NR2F1-AS1: variants seen among roughly 807,000 people sequenced by gnomAD.
The protein encoded by NR2F1-AS1 is NR2F1 antisense RNA 1.
chr5:93,462,998 A>G (rs989559231), intron 4 of NR2F1-AS1, among the ~76,000 whole-genome samples: 2 of 152,232 alleles, frequency 1.3e-5, no homozygotes, highest in African/African-American at 2.4e-5. Context: ...GAGAAATTCA[A>G]GCCAGCTGCA....
intron 4 of NR2F1-AS1, among the ~76,000 whole-genome samples, chr5:93,455,252 A>G (rs887803460): frequency 2.6e-5 from 4 of 152,206 alleles, no homozygotes; most frequent in African/African-American, 7.2e-5. Flanking sequence ...TCTTTTAAAG[A>G]TTCACAAAAT....
intron 4 of NR2F1-AS1, among the ~76,000 whole-genome samples, chr5:93,552,637 G>A (rs200088234): frequency 6.8e-6 from 1 of 146,596 alleles, no homozygotes; most frequent in East Asian, 2.0e-4. Flanking sequence ...TGTTTATACT[G>A]TAAAGAAGAA....
At chr5:93,523,054 C>T (rs150922110) in intron 4 of NR2F1-AS1, among the ~76,000 whole-genome samples, 2 of 152,132 alleles carry the variant, frequency 1.3e-5, no homozygotes, top group African/African-American at 2.4e-5. Context: ...TGGTCTATAG[C>T]GGATCCCACT....
At chr5:93,495,614 G>A (rs986861362) in intron 4 of NR2F1-AS1, among the ~76,000 whole-genome samples, 35 of 151,798 alleles carry the variant, frequency 2.3e-4, no homozygotes, top group Middle Eastern at 6.8e-3. Flanking sequence ...AATACCTACT[G>A]TTTTACTCTA....
intron 2 of NR2F1-AS1, among the ~76,000 whole-genome samples, chr5:93,555,151 T>C (rs1230705973): frequency 2.6e-5 from 4 of 152,196 alleles, no homozygotes; most frequent in African/African-American, 7.2e-5. Context: ...TTCCACTAGA[T>C]TGCAAACTCC....
intron 4 of NR2F1-AS1, among the ~76,000 whole-genome samples, chr5:93,484,694 A>G (rs748123328): frequency 2.6e-5 from 4 of 151,426 alleles, no homozygotes; most frequent in African/African-American, 9.7e-5. Context: ...AATGTGCTGT[A>G]TTCAGGAGAC....
intron 4 of NR2F1-AS1, among the ~76,000 whole-genome samples, chr5:93,464,848 C>A: frequency 6.6e-6 from 1 of 152,290 alleles, no homozygotes; most frequent in Non-Finnish European, 1.5e-5. Flanking sequence ...TTTGAAAGAA[C>A]AAATCAATGA....
At chr5:93,498,685 A>C (rs1751015016) in intron 4 of NR2F1-AS1, among the ~76,000 whole-genome samples, 1 of 152,134 alleles carries the variant, frequency 6.6e-6, no homozygotes, top group African/African-American at 2.4e-5. Context: ...CAAATAGAGG[A>C]GGCACATAAA....
chr5:93,438,602 A>T (rs548653757), intron 4 of NR2F1-AS1: 1 of 152,244 alleles, frequency 6.6e-6, no homozygotes, highest in Non-Finnish European at 1.5e-5. Flanking sequence ...ACTTCACTCT[A>T]TTCTCCATAC....
At chr5:93,458,135 A>C (rs1749993318) in intron 4 of NR2F1-AS1, among the ~76,000 whole-genome samples, 1 of 152,204 alleles carries the variant, frequency 6.6e-6, no homozygotes, top group African/African-American at 2.4e-5. Context: ...GGAAAGAAAG[A>C]GACACAAAGT....
intron 1 of NR2F1-AS1, among the ~76,000 whole-genome samples, chr5:93,574,489 G>A (rs1752849260): frequency 6.6e-6 from 1 of 152,076 alleles, no homozygotes; most frequent in Non-Finnish European, 1.5e-5. Flanking sequence ...CATCCCTAAG[G>A]AATAAACATA....
At chr5:93,461,430 T>C (rs1049491889) in intron 4 of NR2F1-AS1, among the ~76,000 whole-genome samples, 8 of 152,134 alleles carry the variant, frequency 5.3e-5, no homozygotes, top group Non-Finnish European at 1.2e-4. Flanking sequence ...CAAACCACCA[T>C]GGCACATGTT....
rs192823127 is a variant in NR2F1-AS1, at chr5:93,475,103, A to G, written n.638+78658T>C. Among the ~76,000 whole-genome samples, 352 of 151,294 alleles carry G rather than the reference A, an allele frequency of 2.3e-3. 2 individuals carry two copies. Among genetic ancestry groups the G allele is most frequent in the African/African-American group, 8.1e-3 (331 of 41,112 alleles). ...TGTGCCACTGCACTCCAGCCTGGGC[A>G]ACAGAGCGAGACTCCATCTCAAAAA... On this transcript the variant is annotated intron_variant and non_coding_transcript_variant, in intron 4 of 5. Transcript: ENST00000660523.
chr5:93,424,197 TAC>T (rs1287082696), intron 4 of NR2F1-AS1, among the ~76,000 whole-genome samples: 1 of 152,046 alleles, frequency 6.6e-6, no homozygotes, highest in Non-Finnish European at 1.5e-5. Flanking sequence ...ACATGCCAAC[TAC>T]ACACTGATGA....
chr5:93,454,587 C>T (rs867967405), intron 4 of NR2F1-AS1, among the ~76,000 whole-genome samples: 2 of 152,140 alleles, frequency 1.3e-5, no homozygotes, highest in African/African-American at 2.4e-5. Flanking sequence ...TTTGCTCTAA[C>T]GAGGTAACTC....
At chr5:93,570,749 C>T (rs899243275) in intron 1 of NR2F1-AS1, 1 of 152,272 alleles carries the variant, frequency 6.6e-6, no homozygotes, top group Non-Finnish European at 1.5e-5. Context: ...TGCGCAGATA[C>T]CGCGGCCCGG....
intron 4 of NR2F1-AS1, among the ~76,000 whole-genome samples, chr5:93,528,233 A>G (rs1751662816): frequency 6.6e-6 from 1 of 152,226 alleles, no homozygotes; most frequent in Admixed American, 6.5e-5. Context: ...TTATGCAGCC[A>G]ACCAACCTAT....
intron 4 of NR2F1-AS1, among the ~76,000 whole-genome samples, chr5:93,439,763 ATTACTTAGCTTAAATTT>A (rs1034568718): frequency 3.0e-4 from 46 of 152,234 alleles, no homozygotes; most frequent in African/African-American, 1.1e-3. Context: ...GCCCCTCTTC[ATTACTTAGCTTAAATTT>A]TATCTCCTCC....
intron 4 of NR2F1-AS1, among the ~76,000 whole-genome samples, chr5:93,445,163 A>C (rs1340581622): frequency 6.6e-6 from 1 of 152,198 alleles, no homozygotes; most frequent in Admixed American, 6.5e-5. Context: ...GAGCAAACAC[A>C]TTCAAAAGCT....
Sources: gnomAD v4.1 joint callset for allele counts (sites outside exome capture counted in the v4.1 genomes callset) on GRCh38, gnomAD v4.1.1 for gene constraint, MANE v1.5 for transcripts, NCBI Gene and HGNC (gene_info 2026-07-23, HGNC 2026-07-21) for gene names.